TNFRSF11A: variants seen among roughly 807,000 people sequenced by gnomAD.
TNFRSF11A encodes TNF receptor superfamily member 11a.
In TNFRSF11A, 32 loss-of-function variants were observed where a neutral mutation model predicts 55.7. The ratio of observed to expected loss-of-function variants is 0.57; its 90% CI spans 0.43 to 0.77. TNFRSF11A has a LOEUF of 0.77. Among genes scored for constraint, TNFRSF11A ranks in the 30% least tolerant of loss-of-function variants. The probability of loss-of-function intolerance (pLI) is 0.00; values close to 1 mark genes in which losing one functional copy is unlikely to be tolerated. For missense variants in TNFRSF11A, 753 were observed against 809.8 expected, an observed-to-expected ratio of 0.93 and a Z score of 0.85; for synonymous variants, 311 against 331.0, an observed-to-expected ratio of 0.94 and a Z score of 0.65.
chr18:62,370,830 CTTTT>C, intron 9 of TNFRSF11A, among the ~76,000 whole-genome samples: 1 of 86,514 alleles, frequency 1.2e-5, no homozygotes, highest in East Asian at 2.8e-4. Context: ...CTTTTCTTTT[CTTTT>C]CTTTTTTTTT....
Position 62,384,329 on chromosome 18 carries a change from TCCTCCTCCTCTTCCCCTCCTTTACCTCC to T in TNFRSF11A, c.1568-410_1568-383del, listed in dbSNP as rs1911508542. On this transcript the variant is annotated intron_variant, in intron 9 of 9. Transcript: ENST00000586569. ...TCCTCCTTTCCTGTTCCTCCTCTCC[TCCTCCTCCTCTTCCCCTCCTTTACCTCC>T]CCTCCTCCTCTCCTCCTCCTCTTCC... is the stretch of plus-strand genomic sequence containing the variant. Among the ~76,000 whole-genome samples, 3 of 132,040 alleles carry T rather than the reference TCCTCCTCCTCTTCCCCTCCTTTACCTCC, an allele frequency of 2.3e-5. No individual in the cohort carries two copies. The Admixed American group carries it at 2.3e-4, about 10-fold the overall frequency. The allele number at this position is 132,040 out of a possible 152,430, so 86.6% of individuals were successfully genotyped here. A position where few individuals can be genotyped will look rare whatever the true frequency, so the allele number is the denominator to read the frequency against.
rs1459680555 is a variant in TNFRSF11A at position 62,383,492 on chromosome 18, C to T, written c.1568-1259C>T. 3.3e-5 allele frequency among the ~76,000 whole-genome samples: 5 copies of T among 152,172 alleles called. No homozygotes were observed. In the East Asian group the frequency reaches 7.7e-4, roughly 24 times the overall value. On this transcript the variant is annotated intron_variant, in intron 9 of 9. Transcript: ENST00000586569. This position sits in a 1 kb window ranked among gnomAD's most constrained non-coding sequence, Gnocchi z 4.2. ...CAATGGAGAAGAAAAAGGGGTGAAT[C>T]GTGAGGAGCCATTTTGACATTCCTG...
At chr18:62,338,929 TC>T (rs1224641365) in intron 1 of TNFRSF11A, among the ~76,000 whole-genome samples, 1 of 152,144 alleles carries the variant, frequency 6.6e-6, no homozygotes, top group Non-Finnish European at 1.5e-5. Context: ...CTTTCTCGCC[TC>T]CCGAAATGAG....
chr18:62,353,252 T>C (rs1174905457), intron 3 of TNFRSF11A, among the ~76,000 whole-genome samples: 2 of 152,228 alleles, frequency 1.3e-5, no homozygotes. Flanking sequence ...AAAGACACCT[T>C]ATTTGATACA....
Position 62,348,169 on chromosome 18 carries a change from T to C in TNFRSF11A, c.77T>C (p.Val26Ala). ...GCCTGACCTCAGTGTTCTTTTCAGG[T>C]GGCTTTGCAGATCGCTCCTCCATGT... is the stretch of plus-strand genomic sequence containing the variant. Reference protein sequence around the residue: ...LLCALLARLQVALQIAPPCTS... With the variant: ...LLCALLARLQAALQIAPPCTS... Residue 26 changes from valine (V) to alanine (A), a missense_variant and splice_region_variant, in exon 2 of 10, where the codon GTG (valine) becomes GCG (alanine). Coordinates refer to ENST00000586569, the MANE Select transcript of TNFRSF11A (RefSeq NM_003839.4). 1 of 1,613,856 alleles carries C rather than the reference T, an allele frequency of 6.2e-7. No homozygotes were observed. Among genetic ancestry groups the C allele is most frequent in the Non-Finnish European group, 8.5e-7 (1 of 1,179,888 alleles).
At chr18:62,354,566 T>TTGCTGAGCCA (rs1325573660) in intron 4 of TNFRSF11A, 32 bp downstream of exon 4, 2 of 1,600,690 alleles carry the variant, frequency 1.2e-6, no homozygotes, top group Non-Finnish European at 1.7e-6. Context: ...CTGTCGGCTC[T>TTGCTGAGCCA]TGCTGAGCCA....
intron 1 of TNFRSF11A, among the ~76,000 whole-genome samples, chr18:62,342,620 G>A (rs1402858796): frequency 6.6e-6 from 1 of 152,068 alleles, no homozygotes; most frequent in Admixed American, 6.5e-5. Context: ...ATCCAGAATA[G>A]AAAGCTGGAT....
intron 1 of TNFRSF11A, among the ~76,000 whole-genome samples, 169 bp from the exon 2 acceptor site, chr18:62,347,999 C>T (rs753049955): frequency 2.7e-5 from 4 of 145,998 alleles, no homozygotes; most frequent in Non-Finnish European, 6.0e-5. Context: ...GTAGAGGTTG[C>T]GGTGAACTGA....
At chr18:62,367,400 AT>A (rs1387540850) in intron 8 of TNFRSF11A, 3 of 155,494 alleles carry the variant, frequency 1.9e-5, no homozygotes, top group African/African-American at 7.2e-5. Context: ...TTCTGGTAAC[AT>A]TTTATGTTGA....
intron 3 of TNFRSF11A, among the ~76,000 whole-genome samples, chr18:62,353,320 G>A (rs1022519075): frequency 1.3e-5 from 2 of 152,208 alleles, no homozygotes; most frequent in African/African-American, 4.8e-5. Flanking sequence ...TCATGCCTGA[G>A]TGAAGCTTCT....
chr18:62,346,355 T>A (rs564684655), intron 1 of TNFRSF11A, among the ~76,000 whole-genome samples: 1 of 152,328 alleles, frequency 6.6e-6, no homozygotes, highest in Non-Finnish European at 1.5e-5. Context: ...TCTGTGCATG[T>A]ACATTACACA....
At chr18:62,333,340 G>T (rs1226444074) in intron 1 of TNFRSF11A, among the ~76,000 whole-genome samples, 1 of 152,148 alleles carries the variant, frequency 6.6e-6, no homozygotes, top group East Asian at 1.9e-4. Flanking sequence ...TCTGGGGGTG[G>T]GGGCCAGCAG....
intron 1 of TNFRSF11A, among the ~76,000 whole-genome samples, chr18:62,345,731 C>G (rs554582844): frequency 6.6e-6 from 1 of 152,008 alleles, no homozygotes; most frequent in Non-Finnish European, 1.5e-5. Context: ...AATTTTATAC[C>G]TCAGTTTTTG....
intron 9 of TNFRSF11A, among the ~76,000 whole-genome samples, chr18:62,372,323 C>T (rs1305171910): frequency 6.6e-6 from 1 of 152,120 alleles, no homozygotes; most frequent in African/African-American, 2.4e-5. Flanking sequence ...TGGAGATTGG[C>T]GCATTCTCAC....
rs550284477 is a variant in TNFRSF11A, at chr18:62,339,068, A to G, written c.76-9100A>G. 3.9e-5 allele frequency among the ~76,000 whole-genome samples: 6 copies of G among 152,270 alleles called. No individual in the cohort carries two copies. In the East Asian group the frequency reaches 1.2e-3, roughly 29 times the overall value. ...CCTAGCCCAGGCTCTGTTCTTGTCT[A>G]AAACGAGTTTGCACCTTCTTGCGCT... On this transcript the variant is annotated intron_variant, in intron 1 of 9. Coordinates refer to ENST00000586569, the MANE Select transcript of TNFRSF11A (RefSeq NM_003839.4).
chr18:62,358,315 C>A lies in TNFRSF11A; in HGVS notation c.495C>A (p.Ser165=), dbSNP rs771428401. The A allele has an allele frequency of 1.9e-6, 3 of 1,613,368 alleles. No homozygotes were observed. Among genetic ancestry groups the A allele is most frequent in the Non-Finnish European group, 2.5e-6 (3 of 1,179,718 alleles). Residue 165 remains serine, a synonymous_variant, in exon 5 of 10, where the codon TCC becomes TCA. Coordinates refer to ENST00000586569, the MANE Select transcript of TNFRSF11A (RefSeq NM_003839.4). ...LAGYFSDAFS[S]TDKCRPWTNC... ...GCTACTTCTCTGATGCCTTTTCCTC[C>A]ACGGACAAATGCAGACCCTGGACCA... is the stretch of plus-strand genomic sequence containing the variant.
intron 8 of TNFRSF11A, 85 bp downstream of exon 8, chr18:62,366,845 C>A (rs577270639): frequency 5.4e-5 from 71 of 1,320,096 alleles, no homozygotes; most frequent in South Asian, 1.4e-4. Flanking sequence ...ATTGAGCACC[C>A]CCCCCCACCC....
chr18:62,331,006 C>A (rs1190227266), intron 1 of TNFRSF11A: 4 of 152,154 alleles, frequency 2.6e-5, no homozygotes, highest in Non-Finnish European at 5.9e-5. Context: ...GAGTTTGAGA[C>A]CAGCCCGACC....
intron 1 of TNFRSF11A, among the ~76,000 whole-genome samples, chr18:62,338,092 A>T (rs2046259988): frequency 6.6e-6 from 1 of 152,244 alleles, no homozygotes; most frequent in African/African-American, 2.4e-5. Flanking sequence ...GGAAAATGCA[A>T]ACTGGAACCA....
Sources: gnomAD v4.1 joint callset for allele counts (sites outside exome capture counted in the v4.1 genomes callset) on GRCh38, gnomAD v4.1.1 for gene constraint, Gnocchi (gnomAD v3.1) non-coding constraint, MANE v1.5 for transcripts, NCBI Gene and HGNC (gene_info 2026-07-23, HGNC 2026-07-21) for gene names.